Variants in RGS22 observed in about 807,000 individuals in gnomAD.
RGS22 encodes the protein regulator of G-protein signaling 22.
RGS22 carries 148 observed loss-of-function variants against 172.9 expected under a neutral mutation model. The ratio of observed to expected loss-of-function variants is 0.86; its 90% CI spans 0.75 to 0.98. RGS22 has a LOEUF of 0.98. RGS22 is among the 50% of genes least tolerant of loss of function. RGS22 has a pLI of 0.00. For missense variants in RGS22, 1,347 were observed against 1,440.8 expected (o/e 0.93, Z 1.05); for synonymous variants, 458 against 480.2 (o/e 0.95, Z 0.60).
chr8:100,092,816 ACTAT>A (rs1394628606), intron 3 of RGS22, among the ~76,000 whole-genome samples: 5 of 152,212 alleles, frequency 3.3e-5, no homozygotes, highest in Non-Finnish European at 7.3e-5. Context: ...TATGACTGAA[ACTAT>A]TAATTGGCAT....
intron 14 of RGS22, among the ~76,000 whole-genome samples, chr8:100,015,660 T>A (rs1816871257): frequency 6.6e-6 from 1 of 152,178 alleles, no homozygotes; most frequent in Non-Finnish European, 1.5e-5. Context: ...TCCCCTTTTT[T>A]ATTCTCTAAT....
chr8:100,001,219 T>TATATATATATATATATACAC (rs1402594104), intron 18 of RGS22, among the ~76,000 whole-genome samples: 73 of 132,942 alleles, frequency 5.5e-4, no homozygotes, highest in African/African-American at 1.9e-3. Context: ...TATATATATA[T>TATATATATATATATATACAC]ACATATATAT....
intron 14 of RGS22, among the ~76,000 whole-genome samples, chr8:100,021,918 A>G (rs1458872562): frequency 6.6e-6 from 1 of 152,222 alleles, no homozygotes; most frequent in African/African-American, 2.4e-5. Flanking sequence ...CAGCTCTAGC[A>G]GGCATAGAAC....
chr8:100,083,292 T>TTAC (rs1811899045), intron 3 of RGS22, among the ~76,000 whole-genome samples: 1 of 152,130 alleles, frequency 6.6e-6, no homozygotes, highest in Non-Finnish European at 1.5e-5. Context: ...TATGTAAAAA[T>TTAC]TACTAACTCT....
chr8:100,033,296 G>T (rs1819052523), intron 14 of RGS22, among the ~76,000 whole-genome samples: 1 of 151,900 alleles, frequency 6.6e-6, no homozygotes, highest in Non-Finnish European at 1.5e-5. Context: ...AGAAAAGAGA[G>T]AAGAATCAAA....
chr8:100,053,442 A>ACGGAAGGG (rs2131708531), intron 9 of RGS22, among the ~76,000 whole-genome samples: 1 of 46,554 alleles, frequency 2.1e-5, no homozygotes, highest in Admixed American at 2.9e-4. Flanking sequence ...GGAAGGAAGG[A>ACGGAAGGG]AGGAAGGGAG....
chr8:99,968,773 T>A (rs1811025170), intron 23 of RGS22, among the ~76,000 whole-genome samples: 1 of 152,118 alleles, frequency 6.6e-6, no homozygotes. Context: ...CTGAAAGTGA[T>A]GGGGAGAATG....
At chr8:99,962,343 T>G in intron 27 of RGS22, 51 bp downstream of exon 27, 1 of 1,121,748 alleles carries the variant, frequency 8.9e-7, no homozygotes, top group Non-Finnish European at 1.4e-6. Flanking sequence ...CATGAATGAG[T>G]GTATTACGAG....
At chr8:100,034,271 A>C (rs1819187023) in intron 14 of RGS22, among the ~76,000 whole-genome samples, 1 of 152,212 alleles carries the variant, frequency 6.6e-6, no homozygotes, top group South Asian at 2.1e-4. Flanking sequence ...GCAAAGTCTC[A>C]GGATACAAAA....
intron 14 of RGS22, among the ~76,000 whole-genome samples, chr8:100,020,225 G>A (rs1048881097): frequency 1.3e-5 from 2 of 152,130 alleles, no homozygotes; most frequent in African/African-American, 4.8e-5. Context: ...CTAAGGTTCT[G>A]CCTGATGGAC....
intron 3 of RGS22, among the ~76,000 whole-genome samples, chr8:100,089,922 A>G (rs1812446100): frequency 6.6e-6 from 1 of 152,154 alleles, no homozygotes; most frequent in African/African-American, 2.4e-5. Context: ...ATTATTTACT[A>G]GATGCATGAC....
intron 10 of RGS22, among the ~76,000 whole-genome samples, chr8:100,049,270 TA>T (rs1239675904): frequency 6.6e-6 from 1 of 152,162 alleles, no homozygotes; most frequent in Non-Finnish European, 1.5e-5. Flanking sequence ...AACTATACAC[TA>T]AAAAGGGTGA....
At chr8:100,088,513 C>A (rs549086771) in intron 3 of RGS22, among the ~76,000 whole-genome samples, 59 of 152,178 alleles carry the variant, frequency 3.9e-4, no homozygotes, top group African/African-American at 1.4e-3. Context: ...AAAGAGTTGA[C>A]AGCAAAAAAC....
chr8:100,035,775 G>T (rs1272966339), intron 14 of RGS22, among the ~76,000 whole-genome samples: 1 of 152,170 alleles, frequency 6.6e-6, no homozygotes. Flanking sequence ...ATACTATGCA[G>T]CCATAAAAAA....
intron 14 of RGS22, among the ~76,000 whole-genome samples, chr8:100,025,748 T>C (rs1818105698): frequency 6.6e-6 from 1 of 152,350 alleles, no homozygotes; most frequent in Admixed American, 6.5e-5. Context: ...GCCCCACTTA[T>C]GCCATAAAGT....
intron 3 of RGS22, among the ~76,000 whole-genome samples, chr8:100,089,232 ACAC>A (rs762296586): frequency 7.9e-5 from 12 of 151,798 alleles, no homozygotes; most frequent in Non-Finnish European, 1.3e-4. Flanking sequence ...ACACACACAC[ACAC>A]GATATTCTCA....
At chr8:100,040,211 G>C in intron 12 of RGS22, 124 bp from the exon 13 acceptor site, 1 of 822,200 alleles carries the variant, frequency 1.2e-6, no homozygotes. Context: ...TTTTATTTTT[G>C]TACCATATAT....
intron 14 of RGS22, among the ~76,000 whole-genome samples, chr8:100,009,534 G>C (rs1816137902): frequency 6.6e-6 from 1 of 151,242 alleles, no homozygotes; most frequent in South Asian, 2.1e-4. Context: ...CTCAATAATA[G>C]TTATGTATAT....
Position 100,037,602 on chromosome 8 carries a change from G to A in RGS22, c.2166+1329C>T, listed in dbSNP as rs559205451. On this transcript the variant is annotated intron_variant, in intron 14 of 27. Coordinates refer to ENST00000360863, the MANE Select transcript of RGS22 (RefSeq NM_015668.5). ...TTAACAAGTCAACCAAGCTCAAATA[G>A]AATTTCCTCTTTTACAAGGTCATGG... Among the ~76,000 whole-genome samples, 8 of 152,034 alleles carry A rather than the reference G, an allele frequency of 5.3e-5. 2 individuals carry two copies. Among genetic ancestry groups the A allele is most frequent in the African/African-American group, 1.9e-4 (8 of 41,464 alleles).
Sources: gnomAD v4.1 joint callset for allele counts (sites outside exome capture counted in the v4.1 genomes callset) on GRCh38, gnomAD v4.1.1 for gene constraint, MANE v1.5 for transcripts, NCBI Gene and HGNC (gene_info 2026-07-23, HGNC 2026-07-21) for gene names.